The following RASSF3 variants were observed in gnomAD, a reference collection of about 807,000 sequenced individuals.
RASSF3 encodes ras association domain-containing protein 3.
Under a neutral mutation model 19.9 loss-of-function variants are expected in RASSF3, and 19 were observed. The observed-to-expected ratio is 0.96, with a 90% CI of 0.67 to 1.40. The LOEUF (loss-of-function observed/expected upper bound fraction) is 1.40, where lower values mean the gene tolerates loss of function less well. RASSF3 is among the 40% of genes most tolerant of loss of function. The probability of loss-of-function intolerance (pLI) is 0.00; values close to 1 mark genes in which losing one functional copy is unlikely to be tolerated. For synonymous variants in RASSF3, 110 were observed against 104.2 expected (o/e 1.06, Z -0.34); for missense variants, 306 against 289.8 (o/e 1.06, Z -0.41).
At chr12:64,532,203 G>A (rs1350484744), upstream of RASSF3, among the ~76,000 whole-genome samples, 1 of 152,150 alleles carries the variant, frequency 6.6e-6, no homozygotes, top group African/African-American at 2.4e-5. Flanking sequence ...TGCCGACTGC[G>A]AGTTCAAATA....
At chr12:64,608,787 A>G (rs566702617), upstream of RASSF3, among the ~76,000 whole-genome samples, 7 of 152,200 alleles carry the variant, frequency 4.6e-5, no homozygotes, top group Non-Finnish European at 8.8e-5. Context: ...AATAAGAGAA[A>G]CCAAATAAGA....
chr12:64,631,662 C>G (rs571666788), intron 1 of RASSF3, among the ~76,000 whole-genome samples: 136 of 152,186 alleles, frequency 8.9e-4, no homozygotes, highest in Non-Finnish European at 1.9e-3. Context: ...ACCTCTGTCT[C>G]CCGGGTTCAA....
At chr12:64,541,274 C>T (rs981137407) in intron 1 of RASSF3, among the ~76,000 whole-genome samples, 3 of 152,160 alleles carry the variant, frequency 2.0e-5, no homozygotes, top group South Asian at 2.1e-4. Context: ...GCATGAGCCA[C>T]AGCGCCCGGC....
At chr12:64,605,348 T>TTAA (rs1218450349) in intron 2 of RASSF3, among the ~76,000 whole-genome samples, 1 of 147,408 alleles carries the variant, frequency 6.8e-6, no homozygotes, top group Non-Finnish European at 1.5e-5. Flanking sequence ...CCAATTTAAA[T>TTAA]ACCTCTGCTA....
chr12:64,662,226 C>T (rs1046924418), intron 1 of RASSF3, among the ~76,000 whole-genome samples: 1 of 149,532 alleles, frequency 6.7e-6, no homozygotes, highest in East Asian at 2.0e-4. Context: ...TGAGACCAGC[C>T]TGGTCAACAT....
intron 1 of RASSF3, among the ~76,000 whole-genome samples, chr12:64,659,976 G>GTA (rs1872287436): frequency 1.3e-5 from 2 of 151,252 alleles, no homozygotes; most frequent in Admixed American, 1.3e-4. Context: ...GTGTGTGTGT[G>GTA]TGTGTGTATG....
intron 2 of RASSF3, among the ~76,000 whole-genome samples, chr12:64,592,743 T>G: frequency 6.6e-6 from 1 of 152,150 alleles, no homozygotes; most frequent in East Asian, 1.9e-4. Flanking sequence ...CTCAAGGGAT[T>G]CTCCTGCCTT....
Position 64,688,449 on chromosome 12 carries a change from C to G in RASSF3, c.453C>G (p.Asp151Glu). The G allele has an allele frequency of 6.2e-7, 1 of 1,606,856 alleles. No homozygotes were observed. Among genetic ancestry groups the G allele is most frequent in the South Asian group, 1.1e-5 (1 of 90,930 alleles). ...FALYKRCHRE[D>E]QVYACKLSDR... ...TTTATAAGCGTTGTCACAGGGAAGA[C>G]CAAGGTACGCTGCCAGCTTAAAAGG... The change falls in exon 3 of 5, where the codon GAC (aspartate) becomes GAG (glutamate). Residue 151 changes from aspartate (D) to glutamate (E), a missense_variant. Asp to Glu is a conservative substitution (Grantham distance 45). Transcript: ENST00000542104.
At chr12:64,601,476 T>C (rs1870090489) in intron 2 of RASSF3, among the ~76,000 whole-genome samples, 2 of 152,164 alleles carry the variant, frequency 1.3e-5, no homozygotes, top group Admixed American at 6.6e-5. Flanking sequence ...CTCATAGTAT[T>C]AAAATGTAGT....
At chr12:64,508,866 A>G (rs2136096614) in intron 1 of RASSF3, among the ~76,000 whole-genome samples, 1 of 152,320 alleles carries the variant, frequency 6.6e-6, no homozygotes. Flanking sequence ...AGCCTAGGCA[A>G]CAAGAGTGAA....
chr12:64,687,715 G>A (rs117065983), intron 2 of RASSF3, among the ~76,000 whole-genome samples: 137 of 152,298 alleles, frequency 9.0e-4, no homozygotes, highest in South Asian at 3.5e-3. Flanking sequence ...AATGAAAATA[G>A]CCTGTTTTCT....
At chr12:64,586,900 G>A (rs963959877) in intron 2 of RASSF3, among the ~76,000 whole-genome samples, 2 of 151,588 alleles carry the variant, frequency 1.3e-5, no homozygotes, top group Non-Finnish European at 2.9e-5. Flanking sequence ...TCCAGCTTGG[G>A]CAACAGAGCA....
intron 1 of RASSF3, among the ~76,000 whole-genome samples, chr12:64,516,443 C>A (rs1868367003): frequency 6.7e-6 from 1 of 149,994 alleles, no homozygotes; most frequent in Non-Finnish European, 1.5e-5. Context: ...AACGGTGAAA[C>A]CCCGTCTCTA....
chr12:64,693,394 A>G (rs1197961444), intron 4 of RASSF3, among the ~76,000 whole-genome samples: 2 of 150,394 alleles, frequency 1.3e-5, no homozygotes, highest in African/African-American at 2.5e-5. Context: ...CACTGCTTCT[A>G]TTTTTTAAAA....
intron 1 of RASSF3, among the ~76,000 whole-genome samples, chr12:64,539,483 G>T (rs1868898258): frequency 6.6e-6 from 1 of 152,100 alleles, no homozygotes; most frequent in Non-Finnish European, 1.5e-5. Flanking sequence ...TTGTTCTCAT[G>T]AACAATTTCT....
intron 1 of RASSF3, among the ~76,000 whole-genome samples, chr12:64,613,107 A>G (rs1157963983): frequency 1.3e-5 from 2 of 152,212 alleles, no homozygotes; most frequent in Non-Finnish European, 2.9e-5. Context: ...TGAATGTTTT[A>G]AATTCCTGGT....
chr12:64,637,423 C>CTTTTTTT (rs781748041), intron 1 of RASSF3, among the ~76,000 whole-genome samples: 2 of 132,514 alleles, frequency 1.5e-5, no homozygotes, highest in African/African-American at 2.8e-5. Flanking sequence ...TAGTTTCTTT[C>CTTTTTTT]TTTTTTTTTT....
chr12:64,599,595 C>G (rs1001496592), intron 2 of RASSF3, among the ~76,000 whole-genome samples: 2 of 152,094 alleles, frequency 1.3e-5, no homozygotes, highest in African/African-American at 4.8e-5. Context: ...TGGCTGAGCC[C>G]GAAGGCTGTG....
chr12:64,588,098 T>A (rs78654063), intron 2 of RASSF3, among the ~76,000 whole-genome samples: 4 of 152,160 alleles, frequency 2.6e-5, no homozygotes, highest in African/African-American at 4.8e-5. Context: ...CCTTTTTTTT[T>A]GAGACATGGT....
Sources: allele counts gnomAD v4.1 joint callset (sites outside exome capture counted in the v4.1 genomes callset), GRCh38; gene constraint gnomAD v4.1.1; transcripts MANE v1.5; gene names NCBI Gene and HGNC (gene_info 2026-07-23, HGNC 2026-07-21).